PTCH1: variants seen among roughly 807,000 people sequenced by gnomAD.
PTCH1 encodes patched 1.
In PTCH1, 14 loss-of-function variants were observed where a neutral mutation model predicts 144.6. That is an observed-to-expected ratio of 0.10 (90% CI 0.06 to 0.15). The LOEUF is 0.15. Among genes scored for constraint, PTCH1 ranks in the 10% least tolerant of loss-of-function variants. PTCH1 has a pLI of 1.00. For synonymous variants in PTCH1, 833 were observed against 793.6 expected, an observed-to-expected ratio of 1.05 and a Z score of -0.83; for missense variants, 1,623 against 1,948.3, an observed-to-expected ratio of 0.83 and a Z score of 3.14.
At chr9:95,494,147 T>C (rs1842636181) in intron 2 of PTCH1, 20 of 952,718 alleles carry the variant, frequency 2.1e-5, no homozygotes, top group Admixed American at 6.2e-5. Flanking sequence ...CGCGGGGTTC[T>C]GCAACGCGCA....
Position 95,476,463 on chromosome 9 carries a change from C to T in PTCH1, c.1602+296G>A, listed in dbSNP as rs1277955751. On this transcript the variant is annotated intron_variant, in intron 11 of 23. Transcript: ENST00000331920. The surrounding 1 kb of genome is among the most constrained non-coding windows in gnomAD (Gnocchi z 4.6). ...GGTGATGGCTAAGTGACAGACATCT[C>T]CAGAGAAGCAAATGCAGGCTCTGGG... 6.6e-6 allele frequency among the ~76,000 whole-genome samples: 1 copy of T among 151,996 alleles called. No homozygotes were observed. The highest frequency in any genetic ancestry group is 1.5e-5 in the Non-Finnish European group (1 of 68,006).
rs372828014 is a variant in PTCH1, at chr9:95,447,370, C to T, written c.3886G>A (p.Gly1296Arg). ...PHLDSGSLPP[G>R]RQGQQPRRDP... ...CTGCGGGGCTGCTGGCCTTGCCGTC[C>T]GGGAGGCAGGGACCCTGAGTCCAGG... is the stretch of plus-strand genomic sequence containing the variant. The change falls in exon 23 of 24, where the codon GGA (glycine) becomes AGA (arginine). Residue 1296 changes from glycine (G) to arginine (R), a missense_variant. Gly to Arg is a moderately radical substitution (Grantham distance 125). Coordinates refer to ENST00000331920, the MANE Select transcript of PTCH1 (RefSeq NM_000264.5). 37 of 1,613,008 alleles carry T rather than the reference C, an allele frequency of 2.3e-5. No individual in the cohort carries two copies. Among genetic ancestry groups the T allele is most frequent in the African/African-American group, 4.0e-5 (3 of 74,890 alleles).
chr9:95,500,097 A>G (rs1843050808), intron 2 of PTCH1, among the ~76,000 whole-genome samples: 1 of 152,188 alleles, frequency 6.6e-6, no homozygotes, highest in Admixed American at 6.5e-5. Context: ...AGCCAGCATT[A>G]ATCTCGGCAT....
In PTCH1 at chr9:95,447,169, C is replaced by G. The variant is rs767625820; in HGVS notation, c.4087G>C (p.Gly1363Arg). ...ACAGTGGTGATGGGCTGGCAGTAGC[C>G]GGGCACGGAGCTGCCCATGGCAGTG... is the stretch of plus-strand genomic sequence containing the variant. ...ASTAMGSSVPGYCQPITTVTA... is the reference protein window; with the variant it reads ...ASTAMGSSVPRYCQPITTVTA... The change falls in exon 23 of 24, where the codon GGC (glycine) becomes CGC (arginine). Residue 1363 changes from glycine to arginine, a missense_variant. Physicochemically the swap from Gly to Arg is moderately radical, Grantham distance 125. Coordinates refer to ENST00000331920, the MANE Select transcript of PTCH1 (RefSeq NM_000264.5). The G allele has an allele frequency of 5.6e-6, 9 of 1,613,074 alleles. No homozygotes were observed. Among genetic ancestry groups the G allele is most frequent in the Non-Finnish European group, 6.8e-6 (8 of 1,179,926 alleles).
intron 2 of PTCH1, among the ~76,000 whole-genome samples, chr9:95,494,069 C>T (rs1015225995): frequency 6.6e-6 from 1 of 152,144 alleles, no homozygotes; most frequent in South Asian, 2.1e-4. Context: ...CCCCCACCTG[C>T]CCACGGAACC....
intron 14 of PTCH1, 146 bp from the exon 15 acceptor site, chr9:95,467,571 G>A (rs931737790): frequency 7.4e-6 from 6 of 807,366 alleles, no homozygotes; most frequent in Non-Finnish European, 1.2e-5. Flanking sequence ...ATAGGAAAAA[G>A]GATAAAATCA....
intron 2 of PTCH1, among the ~76,000 whole-genome samples, chr9:95,494,080 G>A (rs552946893): frequency 1.3e-5 from 2 of 149,914 alleles, no homozygotes; most frequent in Middle Eastern, 3.4e-3. Flanking sequence ...CCACGGAACC[G>A]CACGGGACCG....
chr9:95,514,951 C>T (rs1308631565), intron 1 of PTCH1, among the ~76,000 whole-genome samples: 1 of 152,130 alleles, frequency 6.6e-6, no homozygotes, highest in African/African-American at 2.4e-5. Context: ...TGAAACAGAT[C>T]ATGGACTCAA....
intron 15 of PTCH1, among the ~76,000 whole-genome samples, chr9:95,465,933 C>T (rs1302486168): frequency 2.0e-5 from 3 of 152,224 alleles, no homozygotes; most frequent in Admixed American, 2.0e-4. Flanking sequence ...GGAATCACTG[C>T]ATACATTTAC....
In PTCH1 at chr9:95,478,140, G is replaced by A. The variant is rs1285775586; in HGVS notation, c.1262C>T (p.Ser421Phe). The change falls in exon 9 of 24, where the codon TCC (serine) becomes TTC (phenylalanine). Residue 421 changes from serine to phenylalanine, a missense_variant. By Grantham distance (155) the Ser-to-Phe change is radical (BLOSUM62 -2). Transcript: ENST00000331920. ...GTCGTCCAGGGTCGTGGTGGTGAAGGAAAGCACCTTTTGAGTGGAGTTCTG... is the reference window on the plus strand; with the variant it reads ...GTCGTCCAGGGTCGTGGTGGTGAAGAAAAGCACCTTTTGAGTGGAGTTCTG... Reference protein sequence around the residue: ...VAQNSTQKVLSFTTTTLDDIL... With the variant: ...VAQNSTQKVLFFTTTTLDDIL... 3 of 1,614,190 alleles carry A rather than the reference G, an allele frequency of 1.9e-6. No homozygotes were observed. The highest frequency in any genetic ancestry group is 2.5e-6 in the Non-Finnish European group (3 of 1,180,040).
intron 3 of PTCH1, chr9:95,483,236 C>G (rs913807242): frequency 2.0e-5 from 3 of 151,538 alleles, no homozygotes; most frequent in African/African-American, 7.3e-5. Context: ...CACTGCACTC[C>G]AGCCTAGATA....
In PTCH1 at chr9:95,477,543, G is replaced by A. The variant is rs1418564113; in HGVS notation, c.1503+4C>T. On this transcript the variant is annotated splice_donor_region_variant and intron_variant, in intron 10 of 23. Transcript: ENST00000331920. Reference sequence around the variant, plus strand: ...GGACAGCAGATAAATGGCTCCTTTAGTACCTGAGTTGTTGCAGCGTTAAAG... The same window carrying A: ...GGACAGCAGATAAATGGCTCCTTTAATACCTGAGTTGTTGCAGCGTTAAAG... 2.5e-6 allele frequency: 4 copies of A among 1,614,144 alleles called. No individual in the cohort carries two copies. In the South Asian group the frequency reaches 3.3e-5, roughly 13 times the overall value.
At position 95,449,294 on chromosome 9, in the gene PTCH1, C is replaced by A. The variant is rs2136602235; in HGVS notation, c.3579G>T (p.Leu1193=). 1.9e-6 allele frequency: 3 copies of A among 1,556,338 alleles called. No individual in the cohort carries two copies. The highest frequency in any genetic ancestry group is 2.6e-6 in the Non-Finnish European group (3 of 1,150,692). The part of the protein sequence containing the change: ...EVSPANGLNR[L]PTPSPEPPPS... ...GGGGTGGCTCAGGGGAGGGTGTGGG[C>A]AGGCGGTTCAAGCCGTTGGCTGGAG... Residue 1193 remains leucine, a synonymous_variant, in exon 22 of 24, where the codon CTG becomes CTT. Coordinates refer to ENST00000331920, the MANE Select transcript of PTCH1 (RefSeq NM_000264.5). The surrounding 1 kb of genome is among the most constrained non-coding windows in gnomAD (Gnocchi z 5.3).
chr9:95,456,255 T>G (rs750682577), intron 19 of PTCH1, 21 bp downstream of exon 19: 1 of 1,612,636 alleles, frequency 6.2e-7, no homozygotes, highest in Non-Finnish European at 8.5e-7. Flanking sequence ...ACAAAGTTTT[T>G]GCTTCAAATG....
At chr9:95,505,457 G>T (rs1843500479) in intron 2 of PTCH1, among the ~76,000 whole-genome samples, 1 of 152,118 alleles carries the variant, frequency 6.6e-6, no homozygotes, top group Non-Finnish European at 1.5e-5. Flanking sequence ...GAAAAAAATT[G>T]AAACCTTTGT....
chr9:95,480,815 G>A (rs146329633), intron 5 of PTCH1, among the ~76,000 whole-genome samples: 1 of 152,222 alleles, frequency 6.6e-6, no homozygotes, highest in African/African-American at 2.4e-5. Flanking sequence ...GGACTCATAA[G>A]TTAATGAGGG....
In PTCH1 at chr9:95,458,376, A is replaced by G; in HGVS notation, c.2888-83T>C. On this transcript the variant is annotated intron_variant, in intron 17 of 23. Transcript: ENST00000331920. The surrounding 1 kb of genome is among the most constrained non-coding windows in gnomAD (Gnocchi z 4.7). ...CAATGGAAAGAGAGAAGAACTTTGC[A>G]TGAAAGCTTACTGACTGCTCTTCTA... 2.6e-6 allele frequency: 4 copies of G among 1,512,278 alleles called. No homozygotes were observed. Among genetic ancestry groups the G allele is most frequent in the Non-Finnish European group, 3.6e-6 (4 of 1,110,464 alleles). 93.7% of individuals were successfully genotyped at this position (1,512,278 alleles called of 1,614,324 possible).
chr9:95,454,677 T>A (rs1474261161), intron 19 of PTCH1, among the ~76,000 whole-genome samples: 2 of 152,246 alleles, frequency 1.3e-5, no homozygotes, highest in African/African-American at 2.4e-5. Flanking sequence ...TGTCACACAC[T>A]GTTTCTATGT....
intron 2 of PTCH1, among the ~76,000 whole-genome samples, chr9:95,492,429 C>T (rs1243434212): frequency 6.6e-6 from 1 of 152,128 alleles, no homozygotes; most frequent in Non-Finnish European, 1.5e-5. Context: ...CCAGATTGTC[C>T]ACATGGGTGG....
Sources: gnomAD v4.1 joint callset for allele counts (sites outside exome capture counted in the v4.1 genomes callset) on GRCh38, gnomAD v4.1.1 for gene constraint, Gnocchi (gnomAD v3.1) non-coding constraint, MANE v1.5 for transcripts, NCBI Gene and HGNC (gene_info 2026-07-23, HGNC 2026-07-21) for gene names.